Variants in ASB3 observed in about 807,000 individuals in gnomAD.
The protein encoded by ASB3 is ankyrin repeat and SOCS box protein 3.
ASB3 carries 41 observed loss-of-function variants against 54.5 expected under a neutral mutation model. That is an observed-to-expected ratio of 0.75 (90% CI 0.59 to 0.98). ASB3 has a LOEUF of 0.98. ASB3 is among the 50% of genes least tolerant of loss of function. The pLI, the probability that ASB3 is intolerant of heterozygous loss-of-function variation, is 0.00. For missense variants in ASB3, 733 were observed against 620.0 expected (o/e 1.18, Z -1.94); for synonymous variants, 266 against 221.2 (o/e 1.20, Z -1.80).
Position 53,700,537 on chromosome 2 carries a change from TA to T in ASB3, c.981-10del. 1 of 1,578,340 alleles carries T rather than the reference TA, an allele frequency of 6.3e-7. No homozygotes were observed. The highest frequency in any genetic ancestry group is 8.6e-7 in the Non-Finnish European group (1 of 1,168,690). The stretch of plus-strand genomic sequence containing the variant: ...TTCCAAAGAACTCACAGCTCCACCA[TA>T]AAAAATAAAAACAAAAAAAGAAGAA... On this transcript the variant is annotated splice_polypyrimidine_tract_variant and intron_variant, in intron 7 of 9. Transcript: ENST00000263634.
chr2:53,764,670 T>G (rs1457495159), intron 2 of ASB3, among the ~76,000 whole-genome samples: 1 of 152,200 alleles, frequency 6.6e-6, no homozygotes, highest in East Asian at 1.9e-4. Context: ...AAAGCCCAGT[T>G]TATAGCACTG....
intron 2 of ASB3, among the ~76,000 whole-genome samples, chr2:53,754,518 T>G (rs78499537): frequency 0.1 from 15,740 of 152,258 alleles, 1,045 homozygotes; most frequent in Non-Finnish European, 0.15. Flanking sequence ...TTGAAATATT[T>G]TACCTATAGA....
At chr2:53,746,436 G>C (rs577417339) in intron 3 of ASB3, among the ~76,000 whole-genome samples, 30 of 151,162 alleles carry the variant, frequency 2.0e-4, no homozygotes, top group Non-Finnish European at 3.7e-4. Context: ...ACACAACACT[G>C]ATGTATACAT....
rs116904830 is a variant in ASB3 at position 53,679,239 on chromosome 2, C to T, written c.1370-8549G>A. Reference sequence around the variant, plus strand: ...GAAAATACAACTACATGAACTGGTTCCACTTCCAACCTCTACCAGACCTGC... The same window carrying T: ...GAAAATACAACTACATGAACTGGTTTCACTTCCAACCTCTACCAGACCTGC... On this transcript the variant is annotated intron_variant, in intron 9 of 9. Transcript: ENST00000263634. Among the ~76,000 whole-genome samples, 108 of 152,322 alleles carry T rather than the reference C, an allele frequency of 7.1e-4. No homozygotes were observed. In the East Asian group the frequency reaches 0.02, roughly 28 times the overall value.
chr2:53,696,915 G>A (rs1033575337), intron 8 of ASB3, among the ~76,000 whole-genome samples: 1 of 152,110 alleles, frequency 6.6e-6, no homozygotes, highest in South Asian at 2.1e-4. Flanking sequence ...GTATGAACCA[G>A]AGCAACTCCA....
intron 1 of ASB3, among the ~76,000 whole-genome samples, chr2:53,770,819 A>T (rs1673850769): frequency 6.6e-6 from 1 of 152,242 alleles, no homozygotes; most frequent in African/African-American, 2.4e-5. Context: ...CTACACGAAT[A>T]GGCCAGTTCT....
intron 7 of ASB3, among the ~76,000 whole-genome samples, chr2:53,706,603 G>A (rs567371077): frequency 5.3e-5 from 8 of 152,054 alleles, no homozygotes; most frequent in South Asian, 2.1e-4. Context: ...GTGCCGCCAC[G>A]CCTGACTAAT....
At chr2:53,771,949 T>C in intron 1 of ASB3, 1 of 1,475,390 alleles carries the variant, frequency 6.8e-7, no homozygotes, top group East Asian at 2.4e-5. Flanking sequence ...TGCGGTATGG[T>C]ATAAATATTC....
chr2:53,693,865 A>G lies in ASB3; in HGVS notation c.1369+19T>C. 3.1e-6 allele frequency: 5 copies of G among 1,611,446 alleles called. No individual in the cohort carries two copies. Among genetic ancestry groups the G allele is most frequent in the Non-Finnish European group, 4.2e-6 (5 of 1,178,546 alleles). On this transcript the variant is annotated intron_variant, in intron 9 of 9. Coordinates refer to ENST00000263634, the MANE Select transcript of ASB3 (RefSeq NM_016115.5). ...GAAGGAAAAGTAGTGAAGTGTGTTT[A>G]AAAGTTATTCTTTCTTACCAATATG...
intron 5 of ASB3, 128 bp from the exon 6 acceptor site, chr2:53,716,871 G>C (rs1386142573): frequency 1.1e-5 from 12 of 1,047,988 alleles, no homozygotes; most frequent in Non-Finnish European, 1.6e-5. Context: ...CTGAATGTTG[G>C]ATGTTGTTAT....
At chr2:53,675,652 C>T (rs1054906183) in intron 9 of ASB3, among the ~76,000 whole-genome samples, 8 of 152,118 alleles carry the variant, frequency 5.3e-5, no homozygotes, top group Non-Finnish European at 7.4e-5. Context: ...TGGTAAATTT[C>T]TATTTTTTCC....
chr2:53,746,080 G>A (rs959649590), intron 3 of ASB3, among the ~76,000 whole-genome samples: 36 of 152,028 alleles, frequency 2.4e-4, no homozygotes, highest in African/African-American at 7.7e-4. Flanking sequence ...GAGGAGGATC[G>A]CTTGAAGACA....
In ASB3 at chr2:53,671,181, T is replaced by A. The variant is rs549046304; in HGVS notation, c.1370-491A>T. Among the ~76,000 whole-genome samples the A allele has an allele frequency of 7.2e-5, 11 of 152,354 alleles. No homozygotes were observed. In the East Asian group the frequency reaches 1.9e-3, roughly 27 times the overall value. ...AGAAAGGGAGTATTTACTGAGTGCC[T>A]TCTATGCCATAAGCCCATGTACTTC... On this transcript the variant is annotated intron_variant, in intron 9 of 9. Transcript: ENST00000263634.
chr2:53,714,562 G>C lies in ASB3; in HGVS notation c.802C>G (p.Pro268Ala), dbSNP rs564814416. Residue 268 changes from proline (P) to alanine (A), a missense_variant, in exon 7 of 10, where the codon CCA (proline) becomes GCA (alanine). Pro to Ala is a conservative substitution (Grantham distance 27). Coordinates refer to ENST00000263634, the MANE Select transcript of ASB3 (RefSeq NM_016115.5). ...GTGTCACAGGCCCGGTTAGTAAGTG[G>C]TATTAACAAGTCCAAGATTCTATAA... ...GHTKILDLLI[P>A]LTNRACDTGL... 4 of 1,614,108 alleles carry C rather than the reference G, an allele frequency of 2.5e-6. No homozygotes were observed. Among genetic ancestry groups the C allele is most frequent in the East Asian group, 2.2e-5 (1 of 44,876 alleles).
chr2:53,749,615 G>A (rs1049546535), intron 3 of ASB3, among the ~76,000 whole-genome samples: 1 of 151,950 alleles, frequency 6.6e-6, no homozygotes, highest in Non-Finnish European at 1.5e-5. Context: ...AATAGAATAC[G>A]ATTCAGCTAA....
chr2:53,731,055 T>A (rs905709715), intron 3 of ASB3, among the ~76,000 whole-genome samples: 3 of 152,218 alleles, frequency 2.0e-5, no homozygotes, highest in African/African-American at 4.8e-5. Context: ...GTTTTATATA[T>A]TGAATTTATA....
intron 8 of ASB3, among the ~76,000 whole-genome samples, chr2:53,699,136 G>C (rs1006476091): frequency 1.3e-5 from 2 of 152,170 alleles, no homozygotes; most frequent in South Asian, 4.1e-4. Context: ...CATGGCAGAG[G>C]TCATCACTCG....
intron 3 of ASB3, among the ~76,000 whole-genome samples, chr2:53,737,709 G>A (rs1465437594): frequency 7.3e-6 from 1 of 137,470 alleles, no homozygotes; most frequent in Non-Finnish European, 1.5e-5. Flanking sequence ...AATTGTCCAG[G>A]ACGTTTTAAA....
Position 53,770,498 on chromosome 2 carries a change from TAAAAAAAA to T in ASB3, c.-13-4921_-13-4914del, listed in dbSNP as rs76201682. ...TGGTACTCCGTGGACGAAGTTTATT[TAAAAAAAA>T]AAAAAAAAAAAAAAAAAGCTTGCAG... is the stretch of plus-strand genomic sequence containing the variant. On this transcript the variant is annotated intron_variant, in intron 1 of 9. Coordinates refer to ENST00000263634, the MANE Select transcript of ASB3 (RefSeq NM_016115.5). Among the ~76,000 whole-genome samples the T allele has an allele frequency of 5.4e-5, 6 of 110,540 alleles. No individual in the cohort carries two copies. In the East Asian group the frequency reaches 7.7e-4, roughly 14 times the overall value. 72.5% of individuals were successfully genotyped at this position (110,540 alleles called of 152,430 possible). A position where few individuals can be genotyped will look rare whatever the true frequency, so the allele number is the denominator to read the frequency against.
Sources: gnomAD v4.1 joint callset for allele counts (sites outside exome capture counted in the v4.1 genomes callset) on GRCh38, gnomAD v4.1.1 for gene constraint, MANE v1.5 for transcripts, NCBI Gene and HGNC (gene_info 2026-07-23, HGNC 2026-07-21) for gene names.